Variants in XXYLT1 observed in about 807,000 individuals in gnomAD.
XXYLT1 encodes the protein xyloside xylosyltransferase 1, also known as UDP-xylose:alpha-xyloside alpha-1,3-xylosyltransferase.
In XXYLT1, 20 loss-of-function variants were observed where a neutral mutation model predicts 28.9. That is an observed-to-expected ratio of 0.69 (90% CI 0.49 to 1.00). The LOEUF is 1.00. XXYLT1 is among the 50% of genes least tolerant of loss of function. The probability of loss-of-function intolerance (pLI) is 0.00; values close to 1 mark genes in which losing one functional copy is unlikely to be tolerated. For missense variants in XXYLT1, 542 were observed against 560.1 expected, an observed-to-expected ratio of 0.97 and a Z score of 0.33; for synonymous variants, 257 against 253.8, an observed-to-expected ratio of 1.01 and a Z score of -0.12.
intron 3 of XXYLT1, among the ~76,000 whole-genome samples, chr3:195,119,816 A>G (rs1718251848): frequency 6.6e-6 from 1 of 152,142 alleles, no homozygotes; most frequent in Non-Finnish European, 1.5e-5. Context: ...CAAAGGTCCT[A>G]AGATCACAGA....
At chr3:195,110,212 G>GT in intron 3 of XXYLT1, among the ~76,000 whole-genome samples, 1 of 7,474 alleles carries the variant, frequency 1.3e-4, no homozygotes, top group South Asian at 6.5e-3. Flanking sequence ...TGTGGTGTGT[G>GT]CGTGTGTGGT....
At chr3:195,250,747 C>T (rs1028535832) in intron 1 of XXYLT1, among the ~76,000 whole-genome samples, 11 of 152,172 alleles carry the variant, frequency 7.2e-5, no homozygotes, top group Admixed American at 2.6e-4. Flanking sequence ...AGGCAGCAAA[C>T]GAGACATTTT....
intron 3 of XXYLT1, among the ~76,000 whole-genome samples, chr3:195,070,958 C>A (rs1714770976): frequency 6.6e-6 from 1 of 152,224 alleles, no homozygotes; most frequent in African/African-American, 2.4e-5. Flanking sequence ...TCTTCTAGGT[C>A]CTCTACCCAA....
chr3:195,119,445 G>T (rs1308737479), intron 3 of XXYLT1, among the ~76,000 whole-genome samples: 4 of 152,146 alleles, frequency 2.6e-5, no homozygotes, highest in Non-Finnish European at 4.4e-5. Flanking sequence ...ATCCAGTAAG[G>T]GACCTGGGTA....
At chr3:195,204,535 G>A (rs1722993061) in intron 2 of XXYLT1, among the ~76,000 whole-genome samples, 1 of 150,074 alleles carries the variant, frequency 6.7e-6, no homozygotes, top group Admixed American at 6.6e-5. Flanking sequence ...AGTCTGAACT[G>A]CTGGCCAGCC....
chr3:195,256,033 C>A lies in XXYLT1; in HGVS notation c.504+14522G>T, dbSNP rs1191592403. On this transcript the variant is annotated intron_variant, in intron 1 of 3. Coordinates refer to ENST00000310380, the MANE Select transcript of XXYLT1 (RefSeq NM_152531.5). The surrounding 1 kb of genome is among the most constrained non-coding windows in gnomAD (Gnocchi z 4.2). ...CCCAGCTGACCAGGGGAAGAGGCCA[C>A]CCAGCCAGCAGCAGGCACAGGGGCA... Among the ~76,000 whole-genome samples the A allele has an allele frequency of 6.6e-6, 1 of 152,158 alleles. No individual in the cohort carries two copies. The highest frequency in any genetic ancestry group is 1.5e-5 in the Non-Finnish European group (1 of 68,012).
intron 2 of XXYLT1, among the ~76,000 whole-genome samples, chr3:195,205,641 T>G (rs1212921563): frequency 6.6e-6 from 1 of 152,126 alleles, no homozygotes; most frequent in African/African-American, 2.4e-5. Context: ...GGCGGGTGAA[T>G]TACCCAAGGT....
chr3:195,259,271 C>T (rs1478067263), intron 1 of XXYLT1, among the ~76,000 whole-genome samples: 1 of 152,250 alleles, frequency 6.6e-6, no homozygotes, highest in Non-Finnish European at 1.5e-5. Flanking sequence ...AACTTAACAG[C>T]AGGCTTTCTG....
intron 3 of XXYLT1, among the ~76,000 whole-genome samples, chr3:195,098,037 G>A (rs889987649): frequency 6.6e-6 from 1 of 152,174 alleles, no homozygotes; most frequent in African/African-American, 2.4e-5. Context: ...AGGGGCAGCA[G>A]AGAGTGGCGG....
chr3:195,110,448 A>ATGTGTGCGTGTGTGTGATGTAT lies in XXYLT1; in HGVS notation c.786-40338_786-40337insATACATCACACACACGCACACA, dbSNP rs139873086. Among the ~76,000 whole-genome samples, 106 of 78,050 alleles carry ATGTGTGCGTGTGTGTGATGTAT rather than the reference A, an allele frequency of 1.4e-3. 1 individual carries two copies. Among genetic ancestry groups the ATGTGTGCGTGTGTGTGATGTAT allele is most frequent in the Non-Finnish European group, 2.1e-3 (84 of 40,806 alleles). 51.2% of individuals were successfully genotyped at this position (78,050 alleles called of 152,430 possible). The stretch of plus-strand genomic sequence containing the variant: ...GTATGTGTGCGTGTGTATGTGGTGT[A>ATGTGTGCGTGTGTGTGATGTAT]AAGTGTGTGTGGTGTGTGGGTGAGG... On this transcript the variant is annotated intron_variant, in intron 3 of 3. Coordinates refer to ENST00000310380, the MANE Select transcript of XXYLT1 (RefSeq NM_152531.5).
chr3:195,237,650 T>TA (rs1354793876), intron 1 of XXYLT1, among the ~76,000 whole-genome samples: 6 of 152,184 alleles, frequency 3.9e-5, no homozygotes, highest in Admixed American at 6.5e-5. Flanking sequence ...AGCCTAACCA[T>TA]AAAAACCTTT....
rs201036071 is a variant in XXYLT1 at position 195,070,091 on chromosome 3, C to T, written c.806G>A (p.Arg269His). The T allele has an allele frequency of 7.6e-6, 12 of 1,575,692 alleles. No individual in the cohort carries two copies. Among genetic ancestry groups the T allele is most frequent in the Admixed American group, 7.0e-5 (4 of 56,824 alleles). The change falls in exon 4 of 4, where the codon CGC (arginine) becomes CAC (histidine). Residue 269 changes from arginine (R) to histidine (H), a missense_variant. Arg to His is a conservative substitution (Grantham distance 29). Coordinates refer to ENST00000310380, the MANE Select transcript of XXYLT1 (RefSeq NM_152531.5). ...PVYRHTFWQFRHENPQTRVGG... is the reference protein window; with the variant it reads ...PVYRHTFWQFHHENPQTRVGG... ...AACCCGGGTCTGGGGGTTCTCATGG[C>T]GGAACTGCCAGAATGTGTGCCTGTG...
chr3:195,149,368 C>T (rs185957591), intron 3 of XXYLT1, among the ~76,000 whole-genome samples: 13 of 152,316 alleles, frequency 8.5e-5, no homozygotes, highest in African/African-American at 2.4e-4. Flanking sequence ...AGGGCATAGT[C>T]GGCTTGAAAA....
rs550795364 is a variant in XXYLT1 at position 195,158,074 on chromosome 3, C to G, written c.653-1493G>C. ...TTAAGGAACTTGGGATAATTTTGCT[C>G]TAACTAAAGAAACTCCTGATGGGAG... On this transcript the variant is annotated intron_variant, in intron 2 of 3. Transcript: ENST00000310380. Among the ~76,000 whole-genome samples, 24 of 152,306 alleles carry G rather than the reference C, an allele frequency of 1.6e-4. 1 individual carries two copies. In the South Asian group the frequency reaches 2.9e-3, roughly 18 times the overall value.
At chr3:195,245,964 A>G (rs1725006484) in intron 1 of XXYLT1, among the ~76,000 whole-genome samples, 1 of 152,180 alleles carries the variant, frequency 6.6e-6, no homozygotes, top group Admixed American at 6.5e-5. Context: ...CCATGAGCCA[A>G]TTACACCTCT....
chr3:195,263,744 A>T (rs1013717391), intron 1 of XXYLT1, among the ~76,000 whole-genome samples: 15 of 152,198 alleles, frequency 9.9e-5, no homozygotes, highest in Non-Finnish European at 2.1e-4. Context: ...TGTCACCAGG[A>T]AATGGAGCAA....
intron 3 of XXYLT1, among the ~76,000 whole-genome samples, chr3:195,156,116 G>A (rs779726370): frequency 5.3e-5 from 8 of 152,202 alleles, no homozygotes; most frequent in Non-Finnish European, 7.3e-5. Flanking sequence ...AGCCCAGCTG[G>A]TCAGTAGAAG....
intron 3 of XXYLT1, among the ~76,000 whole-genome samples, chr3:195,127,046 G>T (rs1009674744): frequency 2.0e-5 from 3 of 152,190 alleles, no homozygotes; most frequent in Non-Finnish European, 4.4e-5. Flanking sequence ...TCAGAGCCAG[G>T]CTAAGAAAAT....
At chr3:195,187,994 C>T (rs1266839463) in intron 2 of XXYLT1, among the ~76,000 whole-genome samples, 1 of 152,088 alleles carries the variant, frequency 6.6e-6, no homozygotes, top group Non-Finnish European at 1.5e-5. Context: ...ATATGAAATC[C>T]ATCCAAAGAC....
Sources: gnomAD v4.1 joint callset for allele counts (sites outside exome capture counted in the v4.1 genomes callset) on GRCh38, gnomAD v4.1.1 for gene constraint, Gnocchi (gnomAD v3.1) non-coding constraint, MANE v1.5 for transcripts, NCBI Gene and HGNC (gene_info 2026-07-23, HGNC 2026-07-21) for gene names.